Variants in LRRC4C observed in about 807,000 individuals in gnomAD.
The protein encoded by LRRC4C is leucine rich repeat containing 4C, also known as leucine-rich repeat-containing protein 4C.
A neutral mutation model predicts 33.6 loss-of-function variants in LRRC4C; 5 were observed. The ratio of observed to expected loss-of-function variants is 0.15; its 90% CI spans 0.08 to 0.31. LRRC4C has a LOEUF of 0.31. Among genes scored for constraint, LRRC4C ranks in the 10% least tolerant of loss-of-function variants. LRRC4C has a pLI of 1.00. For synonymous variants in LRRC4C, 329 were observed against 302.0 expected, an observed-to-expected ratio of 1.09 and a Z score of -0.93; for missense variants, 560 against 796.7, an observed-to-expected ratio of 0.70 and a Z score of 3.58.
At chr11:41,457,594 C>T (rs1956210406) in intron 1 of LRRC4C, among the ~76,000 whole-genome samples, 1 of 152,096 alleles carries the variant, frequency 6.6e-6, no homozygotes, top group Non-Finnish European at 1.5e-5. Flanking sequence ...TTTAGGGTTT[C>T]TCCTAGGCTC....
At chr11:40,243,781 T>C (rs1226805962) in intron 4 of LRRC4C, among the ~76,000 whole-genome samples, 1 of 148,446 alleles carries the variant, frequency 6.7e-6, no homozygotes, top group East Asian at 2.0e-4. Context: ...CCTCTTCCTC[T>C]CAGCTTCAAG....
intron 1 of LRRC4C, among the ~76,000 whole-genome samples, chr11:41,356,035 C>G (rs915417179): frequency 3.9e-5 from 6 of 152,128 alleles, no homozygotes; most frequent in African/African-American, 1.4e-4. Context: ...TAGCGTTCAC[C>G]TTATTTTGCA....
chr11:41,381,800 A>T (rs1050761897), intron 1 of LRRC4C, among the ~76,000 whole-genome samples: 80 of 151,812 alleles, frequency 5.3e-4, no homozygotes, highest in African/African-American at 1.8e-3. Flanking sequence ...ATATTTGAAA[A>T]GGCATCAAGT....
intron 1 of LRRC4C, among the ~76,000 whole-genome samples, chr11:41,148,685 T>C (rs1943843929): frequency 6.6e-6 from 1 of 152,098 alleles, no homozygotes; most frequent in Non-Finnish European, 1.5e-5. Context: ...GGAACTGGTA[T>C]AGCACAGCAT....
At chr11:40,704,517 A>G (rs1946045206) in intron 2 of LRRC4C, among the ~76,000 whole-genome samples, 2 of 152,124 alleles carry the variant, frequency 1.3e-5, no homozygotes, top group Admixed American at 6.5e-5. Flanking sequence ...AGTCCAATAC[A>G]TTAGGTAACT....
intron 1 of LRRC4C, among the ~76,000 whole-genome samples, chr11:41,138,077 T>C (rs1157376819): frequency 6.6e-6 from 1 of 152,242 alleles, no homozygotes; most frequent in Non-Finnish European, 1.5e-5. Flanking sequence ...CATTCACTTA[T>C]TCATGTATTC....
At chr11:41,352,507 A>G (rs1215465090) in intron 1 of LRRC4C, among the ~76,000 whole-genome samples, 2 of 152,156 alleles carry the variant, frequency 1.3e-5, no homozygotes, top group Admixed American at 1.3e-4. Context: ...CTGACCCTTG[A>G]CCAAATGGAC....
At chr11:40,123,542 T>C (rs1855984257) in intron 6 of LRRC4C, among the ~76,000 whole-genome samples, 1 of 152,094 alleles carries the variant, frequency 6.6e-6, no homozygotes, top group African/African-American at 2.4e-5. Flanking sequence ...CTGAAAGATC[T>C]CTACAGTGAA....
chr11:40,709,157 C>T (rs905434603), intron 2 of LRRC4C, among the ~76,000 whole-genome samples: 2 of 152,094 alleles, frequency 1.3e-5, no homozygotes, highest in Admixed American at 6.6e-5. Flanking sequence ...ACTGTTTATC[C>T]AATTTGCCAG....
At chr11:40,357,592 T>C (rs1203315996) in intron 3 of LRRC4C, among the ~76,000 whole-genome samples, 2 of 152,148 alleles carry the variant, frequency 1.3e-5, no homozygotes, top group Admixed American at 6.6e-5. Flanking sequence ...ATCATTTATT[T>C]CCTTCTGTAA....
intron 3 of LRRC4C, among the ~76,000 whole-genome samples, chr11:40,535,691 C>A (rs1386061632): frequency 6.6e-6 from 1 of 152,156 alleles, no homozygotes; most frequent in African/African-American, 2.4e-5. Context: ...TCAGCATGAA[C>A]TAATTTACTA....
chr11:40,222,948 C>T (rs1864524347), intron 5 of LRRC4C, among the ~76,000 whole-genome samples: 1 of 152,046 alleles, frequency 6.6e-6, no homozygotes, highest in Non-Finnish European at 1.5e-5. Context: ...TTAGCAAGAG[C>T]AGGAAAGTGG....
At chr11:40,178,246 A>T (rs1590628029) in intron 5 of LRRC4C, among the ~76,000 whole-genome samples, 1 of 152,232 alleles carries the variant, frequency 6.6e-6, no homozygotes, top group East Asian at 1.9e-4. Flanking sequence ...CTTGGTAAAC[A>T]TATTTGAGCA....
chr11:40,533,024 C>A (rs1050685181), intron 3 of LRRC4C, among the ~76,000 whole-genome samples: 1 of 152,040 alleles, frequency 6.6e-6, no homozygotes, highest in Non-Finnish European at 1.5e-5. Flanking sequence ...AGCAAACCAA[C>A]CCCCTGATTC....
At chr11:40,832,388 A>T (rs1033385343) in intron 2 of LRRC4C, among the ~76,000 whole-genome samples, 5 of 152,208 alleles carry the variant, frequency 3.3e-5, no homozygotes, top group Non-Finnish European at 7.3e-5. Context: ...TTTGCATTAT[A>T]ATTAAACAAA....
chr11:40,684,597 G>A (rs1944865303), intron 2 of LRRC4C, among the ~76,000 whole-genome samples: 1 of 151,162 alleles, frequency 6.6e-6, no homozygotes, highest in Admixed American at 6.6e-5. Context: ...GAATTGAGAG[G>A]GTTATAAATT....
intron 1 of LRRC4C, among the ~76,000 whole-genome samples, chr11:41,110,758 G>A (rs1472947132): frequency 6.6e-6 from 1 of 151,966 alleles, no homozygotes; most frequent in Non-Finnish European, 1.5e-5. Flanking sequence ...ATATTGGGAA[G>A]GGTTCAATAC....
At chr11:41,304,694 C>A (rs1443315637) in intron 1 of LRRC4C, among the ~76,000 whole-genome samples, 1 of 86,806 alleles carries the variant, frequency 1.2e-5, no homozygotes, top group African/African-American at 4.4e-5. Flanking sequence ...CCCCGCCCGG[C>A]CAGCCACCCC....
At chr11:40,935,318 T>C (rs867056531) in intron 1 of LRRC4C, among the ~76,000 whole-genome samples, 75 of 152,300 alleles carry the variant, frequency 4.9e-4, no homozygotes, top group Non-Finnish European at 2.8e-4. Context: ...AACTGTGAGA[T>C]GCAGAGGAAA....
Sources: gnomAD v4.1 joint callset for allele counts (sites outside exome capture counted in the v4.1 genomes callset) on GRCh38, gnomAD v4.1.1 for gene constraint, MANE v1.5 for transcripts, NCBI Gene and HGNC (gene_info 2026-07-23, HGNC 2026-07-21) for gene names.